TASP1: variants seen among roughly 807,000 people sequenced by gnomAD.
TASP1 encodes the protein taspase 1, also known as threonine aspartase 1.
Under a neutral mutation model 56.6 loss-of-function variants are expected in TASP1, and 16 were observed. That is an observed-to-expected ratio of 0.28 (90% CI 0.19 to 0.43). The LOEUF (loss-of-function observed/expected upper bound fraction) is 0.43, where lower values mean the gene tolerates loss of function less well. Ranked by LOEUF, TASP1 falls within the 20% of genes least tolerant of loss-of-function variation. The probability of loss-of-function intolerance (pLI) is 1.00; values close to 1 mark genes in which losing one functional copy is unlikely to be tolerated. For synonymous variants in TASP1, 179 were observed against 184.2 expected (o/e 0.97, Z 0.23); for missense variants, 393 against 511.6 (o/e 0.77, Z 2.24).
intron 8 of TASP1, among the ~76,000 whole-genome samples, chr20:13,556,527 CTTGAATAAAATTA>C (rs747022301): frequency 2.5e-4 from 38 of 152,306 alleles, no homozygotes; most frequent in Middle Eastern, 3.4e-3. Flanking sequence ...AAATAAAATT[CTTGAATAAAATTA>C]TTGAATAAAA....
chr20:13,149,714 G>A, the TASP1 span, among the ~76,000 whole-genome samples: 1 of 152,184 alleles, frequency 6.6e-6, no homozygotes, highest in Non-Finnish European at 1.5e-5. Context: ...AGATACCCCT[G>A]GATATCATCT....
At chr20:13,393,095 CAACA>C in intron 13 of TASP1, 1 of 621,268 alleles carries the variant, frequency 1.6e-6, no homozygotes, top group Non-Finnish European at 3.0e-6. Context: ...AGAAGTATGA[CAACA>C]GTCTCAAGAT....
At chr20:13,400,538 A>G (rs532181793) in intron 13 of TASP1, among the ~76,000 whole-genome samples, 5 of 152,312 alleles carry the variant, frequency 3.3e-5, no homozygotes, top group African/African-American at 4.8e-5. Flanking sequence ...AAGTACTCTG[A>G]GCATCTCCTA....
At chr20:13,563,435 A>G (rs1413534547) in intron 7 of TASP1, among the ~76,000 whole-genome samples, 1 of 152,082 alleles carries the variant, frequency 6.6e-6, no homozygotes, top group East Asian at 1.9e-4. Context: ...GCACTATCCT[A>G]ATACCAAAAC....
chr20:13,307,797 G>T, the TASP1 span, among the ~76,000 whole-genome samples: 32 of 152,192 alleles, frequency 2.1e-4, no homozygotes, highest in African/African-American at 7.5e-4. Flanking sequence ...TTTCCAATGT[G>T]TGAATATATC....
At chr20:13,304,804 T>A in the TASP1 span, among the ~76,000 whole-genome samples, 5 of 152,144 alleles carry the variant, frequency 3.3e-5, no homozygotes, top group African/African-American at 9.7e-5. Flanking sequence ...TGGGATTGAG[T>A]TCCAGTTGCC....
chr20:13,417,913 T>G (rs1477641939), intron 12 of TASP1, among the ~76,000 whole-genome samples: 2 of 152,172 alleles, frequency 1.3e-5, no homozygotes, highest in Non-Finnish European at 1.5e-5. Flanking sequence ...CACCAGGTCT[T>G]AATTTCTTTC....
chr20:13,512,828 A>G (rs2044387110), intron 10 of TASP1, among the ~76,000 whole-genome samples: 1 of 152,210 alleles, frequency 6.6e-6, no homozygotes, highest in Non-Finnish European at 1.5e-5. Context: ...ACAGCTAGCC[A>G]GTTTTCCCGG....
At chr20:13,352,370 A>T in the TASP1 span, among the ~76,000 whole-genome samples, 1 of 151,860 alleles carries the variant, frequency 6.6e-6, no homozygotes, top group South Asian at 2.1e-4. Context: ...GAATCGCTTG[A>T]ACCCCAGAGG....
the TASP1 span, among the ~76,000 whole-genome samples, chr20:13,260,295 C>A: frequency 2.0e-5 from 3 of 152,184 alleles, no homozygotes; most frequent in African/African-American, 7.2e-5. Flanking sequence ...GCACACAGAG[C>A]TGTACAGGTG....
intron 11 of TASP1, among the ~76,000 whole-genome samples, chr20:13,452,413 TAA>T (rs1240789170): frequency 5.8e-5 from 8 of 139,066 alleles, no homozygotes; most frequent in East Asian, 2.1e-4. Context: ...ACACATACAT[TAA>T]AAAAAAAAAA....
At chr20:13,306,250 T>TA in the TASP1 span, among the ~76,000 whole-genome samples, 1 of 152,154 alleles carries the variant, frequency 6.6e-6, no homozygotes, top group Non-Finnish European at 1.5e-5. Context: ...GCCTGACTTT[T>TA]AAAAAAGAAA....
chr20:13,374,349 A>ATT, the TASP1 span, among the ~76,000 whole-genome samples: 1,195 of 142,292 alleles, frequency 8.4e-3, 18 homozygotes, highest in African/African-American at 0.029. Context: ...CTGTCTCGTA[A>ATT]TTTTTTTTTT....
chr20:13,108,450 A>G, the TASP1 span, among the ~76,000 whole-genome samples: 8 of 152,350 alleles, frequency 5.3e-5, no homozygotes, highest in African/African-American at 1.9e-4. Context: ...AGGGCTCTCC[A>G]TTGAGACCAA....
chr20:13,587,756 G>C (rs1317217992), intron 4 of TASP1, among the ~76,000 whole-genome samples: 3 of 151,694 alleles, frequency 2.0e-5, no homozygotes, highest in African/African-American at 7.3e-5. Context: ...AAAGGCATCT[G>C]ACAAAATCCA....
chr20:13,191,903 C>T, the TASP1 span, among the ~76,000 whole-genome samples: 1 of 152,050 alleles, frequency 6.6e-6, no homozygotes, highest in Non-Finnish European at 1.5e-5. Flanking sequence ...AATTATATTT[C>T]TAAAAAGAAG....
chr20:13,155,431 A>C, the TASP1 span, among the ~76,000 whole-genome samples: 40 of 152,334 alleles, frequency 2.6e-4, no homozygotes, highest in East Asian at 7.7e-3. Flanking sequence ...CTTACTTGTG[A>C]AAACTCATGG....
the TASP1 span, among the ~76,000 whole-genome samples, chr20:13,285,694 C>A: frequency 6.6e-6 from 1 of 152,086 alleles, no homozygotes; most frequent in Non-Finnish European, 1.5e-5. Context: ...TAGCCAAGGG[C>A]GTGGATTTGG....
the TASP1 span, among the ~76,000 whole-genome samples, chr20:13,271,771 A>G: frequency 6.6e-6 from 1 of 152,050 alleles, no homozygotes; most frequent in African/African-American, 2.4e-5. Context: ...TCGTCCTCAT[A>G]TGCCTGCTTC....
Sources: gnomAD v4.1 joint callset for allele counts (sites outside exome capture counted in the v4.1 genomes callset) on GRCh38, gnomAD v4.1.1 for gene constraint, MANE v1.5 for transcripts, NCBI Gene and HGNC (gene_info 2026-07-23, HGNC 2026-07-21) for gene names.